The following CEP85L variants were observed in gnomAD, a reference collection of about 807,000 sequenced individuals.
CEP85L encodes the protein centrosomal protein of 85 kDa-like.
CEP85L carries 60 observed loss-of-function variants against 100.3 expected under a neutral mutation model. The ratio of observed to expected loss-of-function variants is 0.60; its 90% CI spans 0.49 to 0.74. CEP85L has a LOEUF of 0.74. CEP85L is among the 30% of genes least tolerant of loss of function. The pLI, the probability that CEP85L is intolerant of heterozygous loss-of-function variation, is 0.00. For synonymous variants in CEP85L, 319 were observed against 322.7 expected (o/e 0.99, Z 0.12); for missense variants, 973 against 936.2 (o/e 1.04, Z -0.51).
chr6:118,709,097 C>T (rs1777694617), intron 1 of CEP85L, among the ~76,000 whole-genome samples: 1 of 152,086 alleles, frequency 6.6e-6, no homozygotes, highest in Non-Finnish European at 1.5e-5. Flanking sequence ...GAAACAAGAG[C>T]AGCACATCAA....
intron 3 of CEP85L, among the ~76,000 whole-genome samples, chr6:118,532,133 T>C (rs1777328861): frequency 6.6e-6 from 1 of 151,942 alleles, no homozygotes; most frequent in Admixed American, 6.6e-5. Flanking sequence ...ATAAAGAAAA[T>C]GTGGTACTAT....
intron 3 of CEP85L, among the ~76,000 whole-genome samples, chr6:118,535,721 T>C (rs910886521): frequency 6.6e-6 from 1 of 152,156 alleles, no homozygotes; most frequent in African/African-American, 2.4e-5. Context: ...CAACTCTCAG[T>C]ATCGCAGTAT....
At chr6:118,618,295 C>T (rs1376619154) in intron 2 of CEP85L, among the ~76,000 whole-genome samples, 1 of 152,176 alleles carries the variant, frequency 6.6e-6, no homozygotes, top group East Asian at 1.9e-4. Flanking sequence ...GACCAAGAAT[C>T]CCTATTTAGG....
At chr6:118,625,983 T>C (rs1310669750) in intron 2 of CEP85L, among the ~76,000 whole-genome samples, 2 of 152,104 alleles carry the variant, frequency 1.3e-5, no homozygotes, top group Non-Finnish European at 2.9e-5. Context: ...CCTAGAAAGT[T>C]CCCCTCTGGA....
At chr6:118,600,300 G>GGGGTGTGTGTGTGTGT (rs1562297733) in intron 2 of CEP85L, among the ~76,000 whole-genome samples, 4 of 52,246 alleles carry the variant, frequency 7.7e-5, no homozygotes, top group Non-Finnish European at 1.6e-4. Flanking sequence ...CCTTCCTGGG[G>GGGGTGTGTGTGTGTGT]GTGTGTGTGT....
At position 118,600,299 on chromosome 6, in the gene CEP85L, GGGTGTGTGTGTGTGTGTGTGT is replaced by G. The variant is rs1781677996; in HGVS notation, c.232+32133_232+32153del. ...ACTGCCTGTCCCTGAGCCTTCCTGG[GGGTGTGTGTGTGTGTGTGTGT>G]GTGTGTGTGTGTGTGTGTGTGTGTG... On this transcript the variant is annotated intron_variant, in intron 2 of 12. Coordinates refer to ENST00000368491, the MANE Select transcript of CEP85L (RefSeq NM_001042475.3). 3.4e-4 allele frequency among the ~76,000 whole-genome samples: 30 copies of G among 89,010 alleles called. 2 individuals carry two copies. The highest frequency in any genetic ancestry group is 1.2e-3 in the African/African-American group (29 of 23,208). The allele number at this position is 89,010 out of a possible 152,430, so 58.4% of individuals were successfully genotyped here. A position where few individuals can be genotyped will look rare whatever the true frequency, so the allele number is the denominator to read the frequency against.
At chr6:118,596,571 C>G (rs756955940) in intron 2 of CEP85L, among the ~76,000 whole-genome samples, 6 of 152,144 alleles carry the variant, frequency 3.9e-5, no homozygotes, top group African/African-American at 1.4e-4. Flanking sequence ...AGCGTTACAT[C>G]AACACACATA....
At chr6:118,592,836 A>G (rs761488597) in intron 2 of CEP85L, among the ~76,000 whole-genome samples, 3 of 152,202 alleles carry the variant, frequency 2.0e-5, no homozygotes, top group Non-Finnish European at 4.4e-5. Flanking sequence ...TACCAAGGGT[A>G]TACGTGGATG....
chr6:118,620,232 A>T (rs1444132792), intron 2 of CEP85L, among the ~76,000 whole-genome samples: 2 of 152,198 alleles, frequency 1.3e-5, no homozygotes, highest in African/African-American at 4.8e-5. Flanking sequence ...CAATATTAGG[A>T]GAAAACTCCA....
chr6:118,497,748 A>G (rs916183520), intron 5 of CEP85L, among the ~76,000 whole-genome samples: 1 of 152,222 alleles, frequency 6.6e-6, no homozygotes, highest in African/African-American at 2.4e-5. Context: ...AAAAGCCTTC[A>G]GAGAGAAGGG....
chr6:118,587,430 T>C (rs1163403384), intron 2 of CEP85L, among the ~76,000 whole-genome samples: 2 of 152,128 alleles, frequency 1.3e-5, no homozygotes, highest in Non-Finnish European at 2.9e-5. Context: ...CACTTGTAAT[T>C]GCTGATAGTT....
chr6:118,703,248 G>A (rs1410589772), intron 1 of CEP85L, among the ~76,000 whole-genome samples: 1 of 151,366 alleles, frequency 6.6e-6, no homozygotes, highest in Non-Finnish European at 1.5e-5. Context: ...TCTTTTTTGA[G>A]CAAATAAATC....
At chr6:118,670,170 C>T (rs1431911004) in intron 1 of CEP85L, among the ~76,000 whole-genome samples, 3 of 151,624 alleles carry the variant, frequency 2.0e-5, no homozygotes, top group Non-Finnish European at 4.4e-5. Context: ...TGGGGCTTGC[C>T]CGTGTGACTT....
At chr6:118,577,244 T>G (rs1780295492) in intron 2 of CEP85L, among the ~76,000 whole-genome samples, 1 of 152,152 alleles carries the variant, frequency 6.6e-6, no homozygotes, top group African/African-American at 2.4e-5. Flanking sequence ...CTGCCCTTGT[T>G]CATCCCCAAG....
At chr6:118,553,252 G>A (rs1778659351) in intron 3 of CEP85L, among the ~76,000 whole-genome samples, 2 of 148,160 alleles carry the variant, frequency 1.3e-5, no homozygotes, top group African/African-American at 4.9e-5. Flanking sequence ...TACAGTGGTT[G>A]TCAGTGCAGA....
At chr6:118,571,912 A>C (rs2115029615) in intron 2 of CEP85L, among the ~76,000 whole-genome samples, 1 of 152,232 alleles carries the variant, frequency 6.6e-6, no homozygotes, top group Admixed American at 6.5e-5. Context: ...GCTGGAGTGC[A>C]AGGGAACAAT....
intron 2 of CEP85L, among the ~76,000 whole-genome samples, chr6:118,628,624 G>A (rs1457691285): frequency 1.4e-5 from 2 of 139,324 alleles, no homozygotes; most frequent in Non-Finnish European, 3.1e-5. Context: ...AACAGAGCAA[G>A]ACTCCATCCA....
chr6:118,605,839 C>T (rs1009983234), intron 2 of CEP85L, among the ~76,000 whole-genome samples: 1 of 151,924 alleles, frequency 6.6e-6, no homozygotes, highest in African/African-American at 2.4e-5. Flanking sequence ...AGTGAAATCC[C>T]GTCTCTACCA....
At chr6:118,468,333 ACGTTGG>A (rs1772687206) in intron 12 of CEP85L, among the ~76,000 whole-genome samples, 1 of 152,208 alleles carries the variant, frequency 6.6e-6, no homozygotes, top group Non-Finnish European at 1.5e-5. Flanking sequence ...TACTAAATAC[ACGTTGG>A]CCCATAAACC....
Sources: allele counts gnomAD v4.1 joint callset (sites outside exome capture counted in the v4.1 genomes callset), GRCh38; gene constraint gnomAD v4.1.1; transcripts MANE v1.5; gene names NCBI Gene and HGNC (gene_info 2026-07-23, HGNC 2026-07-21).